The following POU6F2 variants were observed in gnomAD, a reference collection of about 807,000 sequenced individuals.
POU6F2 encodes POU domain, class 6, transcription factor 2.
In POU6F2, 31 loss-of-function variants were observed where a neutral mutation model predicts 71.3. That is an observed-to-expected ratio of 0.43 (90% CI 0.33 to 0.59). The LOEUF is 0.59. Ranked by LOEUF, POU6F2 falls within the 20% of genes least tolerant of loss-of-function variation. POU6F2 has a pLI of 0.04. For synonymous variants in POU6F2, 347 were observed against 355.7 expected, an observed-to-expected ratio of 0.98 and a Z score of 0.27; for missense variants, 783 against 856.8, an observed-to-expected ratio of 0.91 and a Z score of 1.07.
intron 5 of POU6F2, among the ~76,000 whole-genome samples, chr7:39,348,638 C>T (rs1012279129): frequency 6.6e-6 from 1 of 152,138 alleles, no homozygotes; most frequent in Non-Finnish European, 1.5e-5. Context: ...ACCACCTCTG[C>T]GATGTTCATT....
At chr7:39,463,714 A>G (rs1193810456) in intron 9 of POU6F2, among the ~76,000 whole-genome samples, 3 of 152,208 alleles carry the variant, frequency 2.0e-5, no homozygotes, top group Non-Finnish European at 4.4e-5. Context: ...AACCAAGTCA[A>G]TGGGGGTAAT....
intron 5 of POU6F2, among the ~76,000 whole-genome samples, chr7:39,379,735 G>A (rs1001482005): frequency 2.6e-5 from 4 of 152,082 alleles, no homozygotes; most frequent in Admixed American, 6.5e-5. Context: ...TCTCCTCATC[G>A]TTTTCCCATC....
chr7:39,305,629 T>C (rs1015613270), intron 4 of POU6F2, among the ~76,000 whole-genome samples: 3 of 152,252 alleles, frequency 2.0e-5, no homozygotes, highest in Non-Finnish European at 2.9e-5. Flanking sequence ...TTTCCAGGTA[T>C]TATAATTGCA....
chr7:39,005,847 C>A (rs1454673813), intron 1 of POU6F2, among the ~76,000 whole-genome samples: 1 of 152,078 alleles, frequency 6.6e-6, no homozygotes, highest in Admixed American at 6.5e-5. Flanking sequence ...TATCCAGAAA[C>A]AATTGGACCT....
intron 7 of POU6F2, among the ~76,000 whole-genome samples, chr7:39,440,680 G>A (rs1441041778): frequency 6.6e-6 from 1 of 152,128 alleles, no homozygotes. Flanking sequence ...TGATACTTCT[G>A]TCAATTAGTT....
rs555594789 is a variant in POU6F2 at position 39,085,113 on chromosome 7, A to G, written c.106-747A>G. On this transcript the variant is annotated intron_variant, in intron 1 of 9. Coordinates refer to ENST00000518318, the MANE Select transcript of POU6F2 (RefSeq NM_001370959.1). ...GGTGTACGATGCTCTAGGTATCCGA[A>G]TTATTGAACACAGTTTGTAAGTATT... 2.0e-5 allele frequency: 3 copies of G among 152,162 alleles called. No homozygotes were observed. The South Asian group carries it at 6.2e-4, about 32-fold the overall frequency. 9.4% of individuals were successfully genotyped at this position (152,162 alleles called of 1,614,324 possible).
chr7:39,319,406 T>A (rs1284857113), intron 4 of POU6F2, among the ~76,000 whole-genome samples: 1 of 146,900 alleles, frequency 6.8e-6, no homozygotes. Context: ...GATAACTCTT[T>A]CTGGGGGATG....
intron 4 of POU6F2, among the ~76,000 whole-genome samples, chr7:39,264,101 G>T (rs138638642): frequency 6.6e-6 from 1 of 152,336 alleles, no homozygotes; most frequent in Non-Finnish European, 1.5e-5. Context: ...CTCTCAGCAT[G>T]GTGGTGAGGA....
At chr7:39,406,412 G>C in intron 5 of POU6F2, 188 bp from the exon 6 acceptor site, 1 of 581,858 alleles carries the variant, frequency 1.7e-6, no homozygotes, top group Non-Finnish European at 2.9e-6. Flanking sequence ...TTTCCTTCCA[G>C]CCTCGTTTCC....
chr7:39,015,933 A>ATATATT (rs1255233370), intron 1 of POU6F2, among the ~76,000 whole-genome samples: 2,017 of 39,880 alleles, frequency 0.051, 234 homozygotes, highest in Non-Finnish European at 0.068. Context: ...AGATATATAT[A>ATATATT]ATATATAGAT....
In POU6F2 at chr7:39,150,225, CTGTGTGTGTGTGTGTG is replaced by C. The variant is rs60761447; in HGVS notation, c.278-53990_278-53975del. On this transcript the variant is annotated intron_variant, in intron 2 of 9. Transcript: ENST00000518318. ...CCTTTTTTAAGGCTGAGTAATATGT[CTGTGTGTGTGTGTGTG>C]TGTGTGTGTGTGTGTGTGTAGCATC... is the stretch of plus-strand genomic sequence containing the variant. 1.4e-5 allele frequency among the ~76,000 whole-genome samples: 2 copies of C among 141,158 alleles called. 1 individual carries two copies. The highest frequency in any genetic ancestry group is 5.4e-5 in the African/African-American group (2 of 36,994). 92.6% of individuals were successfully genotyped at this position (141,158 alleles called of 152,430 possible).
intron 4 of POU6F2, among the ~76,000 whole-genome samples, chr7:39,252,491 G>A (rs184095125): frequency 6.6e-6 from 1 of 151,760 alleles, no homozygotes; most frequent in East Asian, 1.9e-4. Flanking sequence ...CTAACCAACA[G>A]CTTGAAATAG....
At chr7:39,009,121 T>A (rs1224710343) in intron 1 of POU6F2, among the ~76,000 whole-genome samples, 4 of 152,030 alleles carry the variant, frequency 2.6e-5, no homozygotes, top group African/African-American at 9.7e-5. Context: ...GGCAGTATGG[T>A]CATTTTCACG....
chr7:39,409,689 A>G (rs1036412699), intron 6 of POU6F2, among the ~76,000 whole-genome samples: 15 of 151,872 alleles, frequency 9.9e-5, no homozygotes, highest in African/African-American at 3.6e-4. Context: ...TCGGCTGGGC[A>G]GATGTCCACC....
rs1789056077 is a variant in POU6F2, at chr7:39,465,709, C to T, written c.*1023C>T. On this transcript the variant is annotated 3_prime_UTR_variant, in exon 10 of 10. Transcript: ENST00000518318. The stretch of plus-strand genomic sequence containing the variant: ...ACTAGGGCTTTGCTCGATGAACTGT[C>T]AACACTGGCATAAGCTGTAATTGTG... 6.6e-6 allele frequency: 1 copy of T among 152,186 alleles called. No individual in the cohort carries two copies. The highest frequency in any genetic ancestry group is 2.1e-4 in the South Asian group (1 of 4,830). The allele number at this position is 152,186 out of a possible 1,614,324, so 9.4% of individuals were successfully genotyped here. A position where few individuals can be genotyped will look rare whatever the true frequency, so the allele number is the denominator to read the frequency against.
intron 1 of POU6F2, among the ~76,000 whole-genome samples, chr7:39,061,162 A>G (rs983410706): frequency 3.8e-5 from 4 of 104,736 alleles, no homozygotes; most frequent in Admixed American, 9.0e-5. Context: ...ATTATTTTAC[A>G]TTTGACATGT....
intron 4 of POU6F2, among the ~76,000 whole-genome samples, chr7:39,235,871 G>A (rs12667891): frequency 0.39 from 59,255 of 151,932 alleles, 12,594 homozygotes; most frequent in East Asian, 0.68. Flanking sequence ...GTACCTCCTG[G>A]ATCACACAGA....
chr7:39,032,786 A>G (rs1789975439), intron 1 of POU6F2, among the ~76,000 whole-genome samples: 1 of 152,218 alleles, frequency 6.6e-6, no homozygotes, highest in Admixed American at 6.5e-5. Flanking sequence ...AACACAGAGC[A>G]GGGGAAATCT....
chr7:39,035,965 A>G (rs1347924610), intron 1 of POU6F2, among the ~76,000 whole-genome samples: 1 of 152,128 alleles, frequency 6.6e-6, no homozygotes, highest in Non-Finnish European at 1.5e-5. Context: ...TTGTAATAAC[A>G]TAAGTCACAA....
Sources: gnomAD v4.1 joint callset for allele counts (sites outside exome capture counted in the v4.1 genomes callset) on GRCh38, gnomAD v4.1.1 for gene constraint, MANE v1.5 for transcripts, NCBI Gene and HGNC (gene_info 2026-07-23, HGNC 2026-07-21) for gene names.